GALNTL6: variants seen among roughly 807,000 people sequenced by gnomAD.
The protein encoded by GALNTL6 is polypeptide N-acetylgalactosaminyltransferase like 6, also known as polypeptide N-acetylgalactosaminyltransferase-like 6.
Under a neutral mutation model 73.7 loss-of-function variants are expected in GALNTL6, and 46 were observed. The observed-to-expected ratio is 0.62, with a 90% CI of 0.49 to 0.80. The LOEUF (loss-of-function observed/expected upper bound fraction) is 0.80. GALNTL6 is among the 30% of genes least tolerant of loss of function. The pLI, the probability that GALNTL6 is intolerant of heterozygous loss-of-function variation, is 0.00. For synonymous variants in GALNTL6, 259 were observed against 263.7 expected (o/e 0.98, Z 0.17); for missense variants, 604 against 755.0 (o/e 0.80, Z 2.34).
At chr4:172,558,649 C>A (rs1248390941) in intron 5 of GALNTL6, among the ~76,000 whole-genome samples, 1 of 152,090 alleles carries the variant, frequency 6.6e-6, no homozygotes, top group Non-Finnish European at 1.5e-5. Flanking sequence ...GTTTAAGCCA[C>A]CGAGTCTGTG....
chr4:172,216,504 T>C (rs1463299508), intron 2 of GALNTL6, among the ~76,000 whole-genome samples: 1 of 152,158 alleles, frequency 6.6e-6, no homozygotes, highest in Non-Finnish European at 1.5e-5. Flanking sequence ...GTCTTCTGTT[T>C]TCTGCAATTT....
chr4:172,940,325 C>G (rs1265706279), intron 9 of GALNTL6, among the ~76,000 whole-genome samples: 1 of 151,826 alleles, frequency 6.6e-6, no homozygotes, highest in African/African-American at 2.4e-5. Flanking sequence ...AATTCCACTT[C>G]CCAACTAGGA....
chr4:172,967,285 C>T (rs1194545950), intron 10 of GALNTL6, among the ~76,000 whole-genome samples: 2 of 152,130 alleles, frequency 1.3e-5, no homozygotes, highest in Admixed American at 6.5e-5. Context: ...ATTGCCCAGT[C>T]GAAATGATGC....
intron 5 of GALNTL6, among the ~76,000 whole-genome samples, chr4:172,697,132 T>C (rs925648379): frequency 6.6e-6 from 1 of 152,116 alleles, no homozygotes; most frequent in African/African-American, 2.4e-5. Context: ...GAAATTAAAA[T>C]TTTCCAAATG....
At chr4:172,101,100 T>G (rs1328559519) in intron 2 of GALNTL6, among the ~76,000 whole-genome samples, 1 of 152,106 alleles carries the variant, frequency 6.6e-6, no homozygotes, top group African/African-American at 2.4e-5. Flanking sequence ...TGTTCTGCAG[T>G]CTCTATTGGG....
intron 2 of GALNTL6, among the ~76,000 whole-genome samples, chr4:172,200,942 G>C (rs917790142): frequency 3.9e-5 from 6 of 152,152 alleles, no homozygotes; most frequent in Non-Finnish European, 8.8e-5. Context: ...ACTTACTCAT[G>C]AACTGATAAT....
In GALNTL6 at chr4:172,802,080, G is replaced by C. The variant is rs538334422; in HGVS notation, c.554-7281G>C. ...AAAAAATCAAGCCCTTGGTCCTGAGGAATTTCCCATCGTTTGGATTTTGCC... is the reference window on the plus strand; with the variant it reads ...AAAAAATCAAGCCCTTGGTCCTGAGCAATTTCCCATCGTTTGGATTTTGCC... On this transcript the variant is annotated intron_variant, in intron 5 of 12. Coordinates refer to ENST00000506823, the MANE Select transcript of GALNTL6 (RefSeq NM_001034845.3). 1.2e-3 allele frequency among the ~76,000 whole-genome samples: 180 copies of C among 151,600 alleles called. 1 individual carries two copies. Among genetic ancestry groups the C allele is most frequent in the African/African-American group, 4.1e-3 (168 of 41,240 alleles).
At chr4:172,645,996 A>C (rs894275259) in intron 5 of GALNTL6, among the ~76,000 whole-genome samples, 1 of 152,014 alleles carries the variant, frequency 6.6e-6, no homozygotes, top group Non-Finnish European at 1.5e-5. Context: ...AAAAATCAAC[A>C]GGAAAATGAG....
rs1206619493 is a variant in GALNTL6 at position 171,813,827 on chromosome 4, G to T, written c.-333G>T. 1 of 152,192 alleles carries T rather than the reference G, an allele frequency of 6.6e-6. No homozygotes were observed. The allele number at this position is 152,192 out of a possible 1,614,324, so 9.4% of individuals were successfully genotyped here. A position where few individuals can be genotyped will look rare whatever the true frequency, so the allele number is the denominator to read the frequency against. On this transcript the variant is annotated 5_prime_UTR_variant, in exon 1 of 13. Coordinates refer to ENST00000506823, the MANE Select transcript of GALNTL6 (RefSeq NM_001034845.3). This position sits in a 1 kb window ranked among gnomAD's most constrained non-coding sequence, Gnocchi z 5.2. Reference sequence around the variant, plus strand: ...TAGCCTCCTTTCCACCAGGTTCCCGGGGCTCCCAGCCGCTGCCTGCAGAGG... The same window carrying T: ...TAGCCTCCTTTCCACCAGGTTCCCGTGGCTCCCAGCCGCTGCCTGCAGAGG...
At chr4:173,016,008 G>T (rs543523916) in intron 11 of GALNTL6, among the ~76,000 whole-genome samples, 77 of 152,340 alleles carry the variant, frequency 5.1e-4, no homozygotes, top group African/African-American at 1.9e-3. Context: ...AGGTGCCAAG[G>T]TACAGCTCAG....
chr4:172,457,694 C>T (rs560956741), intron 5 of GALNTL6, among the ~76,000 whole-genome samples: 1 of 152,116 alleles, frequency 6.6e-6, no homozygotes, highest in African/African-American at 2.4e-5. Context: ...TACAGGAGCA[C>T]CCAGATTCAT....
intron 2 of GALNTL6, among the ~76,000 whole-genome samples, chr4:172,018,699 T>A (rs1741294216): frequency 6.6e-6 from 1 of 152,088 alleles, no homozygotes; most frequent in Non-Finnish European, 1.5e-5. Context: ...AATACCAACT[T>A]CTGCACTCAA....
intron 2 of GALNTL6, among the ~76,000 whole-genome samples, chr4:171,862,053 G>A (rs567586715): frequency 7.9e-5 from 12 of 152,140 alleles, no homozygotes; most frequent in African/African-American, 2.6e-4. Flanking sequence ...AGGTAGACAC[G>A]AGGTAAAGAA....
intron 5 of GALNTL6, among the ~76,000 whole-genome samples, chr4:172,481,993 A>G (rs998484983): frequency 6.6e-6 from 1 of 152,162 alleles, no homozygotes; most frequent in Non-Finnish European, 1.5e-5. Context: ...GGGCTCAGAC[A>G]TGGTGGGCTG....
At chr4:172,213,130 A>G (rs750190443) in intron 2 of GALNTL6, among the ~76,000 whole-genome samples, 1 of 151,286 alleles carries the variant, frequency 6.6e-6, no homozygotes, top group Non-Finnish European at 1.5e-5. Context: ...GTTCGTTTTT[A>G]TTAATCACTA....
chr4:172,025,274 T>C (rs777097883), intron 2 of GALNTL6, among the ~76,000 whole-genome samples: 1 of 152,052 alleles, frequency 6.6e-6, no homozygotes, highest in African/African-American at 2.4e-5. Flanking sequence ...TTGCATTTCT[T>C]TTCATTAAAA....
At chr4:171,885,056 C>CAA (rs113416452) in intron 2 of GALNTL6, among the ~76,000 whole-genome samples, 29,934 of 138,786 alleles carry the variant, frequency 0.22, 3,570 homozygotes, top group Middle Eastern at 0.32. Context: ...GACTCTACCT[C>CAA]AAAAAAAAAG....
intron 2 of GALNTL6, among the ~76,000 whole-genome samples, chr4:171,917,347 A>G (rs1204401209): frequency 6.6e-6 from 1 of 152,092 alleles, no homozygotes; most frequent in Admixed American, 6.6e-5. Flanking sequence ...ATATTCTGCT[A>G]ATTTGCCAAG....
At chr4:172,228,582 G>A (rs1384939497) in intron 2 of GALNTL6, among the ~76,000 whole-genome samples, 1 of 151,920 alleles carries the variant, frequency 6.6e-6, no homozygotes, top group Non-Finnish European at 1.5e-5. Flanking sequence ...GTCTTGAAAA[G>A]GCTGTTAGAA....
Sources: allele counts gnomAD v4.1 joint callset (sites outside exome capture counted in the v4.1 genomes callset), GRCh38; gene constraint gnomAD v4.1.1; non-coding constraint Gnocchi (gnomAD v3.1); transcripts MANE v1.5; gene names NCBI Gene and HGNC (gene_info 2026-07-23, HGNC 2026-07-21).